Variants in RALGAPB observed in about 807,000 individuals in gnomAD.
RALGAPB encodes Ral GTPase activating protein non-catalytic subunit beta, also known as ral GTPase-activating protein subunit beta.
A neutral mutation model predicts 161.1 loss-of-function variants in RALGAPB; 25 were observed. That is an observed-to-expected ratio of 0.16 (90% CI 0.11 to 0.22). The LOEUF (loss-of-function observed/expected upper bound fraction) is 0.22, where lower values mean the gene tolerates loss of function less well. Ranked by LOEUF, RALGAPB falls within the 10% of genes least tolerant of loss-of-function variation. The pLI, the probability that RALGAPB is intolerant of heterozygous loss-of-function variation, is 1.00. For missense variants in RALGAPB, 1,391 were observed against 1,815.2 expected, an observed-to-expected ratio of 0.77 and a Z score of 4.25; for synonymous variants, 629 against 626.1, an observed-to-expected ratio of 1.00 and a Z score of -0.07.
At chr20:38,503,952 T>G (rs1050259952) in intron 5 of RALGAPB, among the ~76,000 whole-genome samples, 1 of 152,168 alleles carries the variant, frequency 6.6e-6, no homozygotes, top group Non-Finnish European at 1.5e-5. Context: ...GGAAAAACAT[T>G]CCATGTTCAT....
At chr20:38,554,806 G>A (rs561308371) in intron 22 of RALGAPB, among the ~76,000 whole-genome samples, 3 of 152,232 alleles carry the variant, frequency 2.0e-5, no homozygotes, top group South Asian at 2.1e-4. Context: ...AGCCAGGTGC[G>A]GTGGCTTATG....
In RALGAPB at chr20:38,577,123, AGTGT is replaced by A. The variant is rs2088466994; in HGVS notation, c.*2159_*2162del. 6.6e-6 allele frequency: 1 copy of A among 152,212 alleles called. No individual in the cohort carries two copies. Among genetic ancestry groups the A allele is most frequent in the African/African-American group, 2.4e-5 (1 of 41,456 alleles). The allele number at this position is 152,212 out of a possible 1,614,324, so 9.4% of individuals were successfully genotyped here. On this transcript the variant is annotated 3_prime_UTR_variant, in exon 30 of 30. Coordinates refer to ENST00000262879, the MANE Select transcript of RALGAPB (RefSeq NM_020336.4). ...CAGCCCCTGAAGGCATGAAACTCCC[AGTGT>A]GTACGGAGCCAGTGGAATATGGGAT...
chr20:38,513,429 G>C (rs2086029392), intron 6 of RALGAPB, among the ~76,000 whole-genome samples: 1 of 150,684 alleles, frequency 6.6e-6, no homozygotes, highest in African/African-American at 2.4e-5. Context: ...GCTTGAACCG[G>C]GAAGCAGAGG....
intron 7 of RALGAPB, 73 bp from the exon 8 acceptor site, chr20:38,517,433 C>T: frequency 6.9e-7 from 1 of 1,443,674 alleles, no homozygotes; most frequent in Non-Finnish European, 9.3e-7. Context: ...CACTAGGTTA[C>T]TGGGAGAAAT....
intron 1 of RALGAPB, among the ~76,000 whole-genome samples, chr20:38,482,290 T>G (rs1359625280): frequency 6.6e-6 from 1 of 152,084 alleles, no homozygotes; most frequent in Non-Finnish European, 1.5e-5. Context: ...AGTTTTGCTG[T>G]CTCAGGGATG....
chr20:38,530,024 T>G (rs2086603187), intron 13 of RALGAPB, among the ~76,000 whole-genome samples: 2 of 152,176 alleles, frequency 1.3e-5, no homozygotes. Flanking sequence ...TTTCTCTGCT[T>G]CTTGGGAGCA....
chr20:38,530,627 C>T (rs1485098075), intron 13 of RALGAPB, among the ~76,000 whole-genome samples: 1 of 148,516 alleles, frequency 6.7e-6, no homozygotes, highest in African/African-American at 2.5e-5. Context: ...GATGAAGTCT[C>T]GCTCTGTTGT....
chr20:38,538,639 C>T lies in RALGAPB; in HGVS notation c.2380-1137C>T, dbSNP rs150546302. ...TAGATGTTTTATCAGAGATGATATA[C>T]AGATGACAAATAAGCACATGAAAAA... On this transcript the variant is annotated intron_variant, in intron 16 of 29. Coordinates refer to ENST00000262879, the MANE Select transcript of RALGAPB (RefSeq NM_020336.4). Among the ~76,000 whole-genome samples, 119 of 152,124 alleles carry T rather than the reference C, an allele frequency of 7.8e-4. No homozygotes were observed. The East Asian group carries it at 0.015, about 19-fold the overall frequency.
At position 38,514,453 on chromosome 20, in the gene RALGAPB, C is replaced by A. The variant is rs774729576; in HGVS notation, c.873-1739C>A. 3.3e-5 allele frequency among the ~76,000 whole-genome samples: 5 copies of A among 152,198 alleles called. No homozygotes were observed. In the South Asian group the frequency reaches 1.0e-3, roughly 31 times the overall value. On this transcript the variant is annotated intron_variant, in intron 6 of 29. Coordinates refer to ENST00000262879, the MANE Select transcript of RALGAPB (RefSeq NM_020336.4). ...CAAAGGGAAAATTGGATCAAATTAT[C>A]TTCGTTAATTAGGTCTCTGGCAGGC...
intron 13 of RALGAPB, among the ~76,000 whole-genome samples, chr20:38,528,345 TTTTATTTATTTA>T (rs55916951): frequency 0.69 from 100,865 of 147,194 alleles, 36,621 homozygotes; most frequent in East Asian, 0.88. Flanking sequence ...TTCATTTTAT[TTTTATTTATTTA>T]TTTATTTATT....
chr20:38,503,661 G>A (rs1025358340), intron 5 of RALGAPB, among the ~76,000 whole-genome samples: 7 of 152,142 alleles, frequency 4.6e-5, no homozygotes, highest in African/African-American at 1.7e-4. Context: ...TATTACATAA[G>A]CTTAATTGGT....
chr20:38,561,760 G>A (rs1486846895), intron 23 of RALGAPB, among the ~76,000 whole-genome samples: 5 of 152,112 alleles, frequency 3.3e-5, no homozygotes, highest in African/African-American at 9.7e-5. Context: ...TCTTTGTTAC[G>A]GGGGCTATCC....
intron 17 of RALGAPB, among the ~76,000 whole-genome samples, chr20:38,540,574 G>T (rs1232443222): frequency 6.6e-6 from 1 of 152,112 alleles, no homozygotes; most frequent in Non-Finnish European, 1.5e-5. Context: ...TTTCATTATG[G>T]CTTCTGAAGT....
intron 22 of RALGAPB, among the ~76,000 whole-genome samples, chr20:38,555,230 A>G (rs905366559): frequency 6.6e-6 from 1 of 152,244 alleles, no homozygotes; most frequent in African/African-American, 2.4e-5. Context: ...ACAACTGAAG[A>G]TTGCCAAGCA....
intron 25 of RALGAPB, among the ~76,000 whole-genome samples, 184 bp downstream of exon 25, chr20:38,565,662 A>G (rs2087970628): frequency 6.6e-6 from 1 of 152,238 alleles, no homozygotes; most frequent in Non-Finnish European, 1.5e-5. Context: ...GTAGTTAAAG[A>G]CAAGCAGACT....
chr20:38,476,526 TTGTTG>T (rs1328075441), intron 1 of RALGAPB, among the ~76,000 whole-genome samples: 1 of 152,064 alleles, frequency 6.6e-6, no homozygotes, highest in Non-Finnish European at 1.5e-5. Context: ...GTCTTGTGTA[TTGTTG>T]TGTTGTGTTT....
rs371070386 is a variant in RALGAPB, at chr20:38,534,496, G to T, written c.2246-578G>T. 2.6e-5 allele frequency: 4 copies of T among 152,454 alleles called. No individual in the cohort carries two copies. The East Asian group carries it at 5.8e-4, about 22-fold the overall frequency. 9.4% of individuals were successfully genotyped at this position (152,454 alleles called of 1,614,324 possible). A position where few individuals can be genotyped will look rare whatever the true frequency, so the allele number is the denominator to read the frequency against. ...TAACTAGTGATTGCTTTTACATATA[G>T]ATTGGAGCCCAAATAAAAATATGGT... On this transcript the variant is annotated intron_variant, in intron 15 of 29. Transcript: ENST00000262879.
intron 3 of RALGAPB, among the ~76,000 whole-genome samples, chr20:38,494,506 T>C (rs2085363192): frequency 6.6e-6 from 1 of 152,032 alleles, no homozygotes; most frequent in African/African-American, 2.4e-5. Context: ...CGGCATGTGC[T>C]TATAATCCCA....
intron 10 of RALGAPB, 75 bp downstream of exon 10, chr20:38,521,773 C>A: frequency 2.1e-6 from 3 of 1,456,242 alleles, no homozygotes; most frequent in South Asian, 1.2e-5. Flanking sequence ...CCGACTGAAC[C>A]GATGAGTGAT....
Sources: gnomAD v4.1 joint callset for allele counts (sites outside exome capture counted in the v4.1 genomes callset) on GRCh38, gnomAD v4.1.1 for gene constraint, MANE v1.5 for transcripts, NCBI Gene and HGNC (gene_info 2026-07-23, HGNC 2026-07-21) for gene names.